Variants in RAD18 observed in about 807,000 individuals in gnomAD.
RAD18 encodes E3 ubiquitin-protein ligase RAD18.
In RAD18, 47 loss-of-function variants were observed where a neutral mutation model predicts 60.4. The ratio of observed to expected loss-of-function variants is 0.78; its 90% CI spans 0.62 to 0.99. The LOEUF (loss-of-function observed/expected upper bound fraction) is 0.99. RAD18 is among the 50% of genes least tolerant of loss of function. The pLI, the probability that RAD18 is intolerant of heterozygous loss-of-function variation, is 0.00. For missense variants in RAD18, 640 were observed against 593.3 expected (o/e 1.08, Z -0.82); for synonymous variants, 225 against 195.5 (o/e 1.15, Z -1.26).
chr3:8,900,065 T>C (rs575830595), intron 10 of RAD18, among the ~76,000 whole-genome samples: 1 of 152,268 alleles, frequency 6.6e-6, no homozygotes, highest in East Asian at 1.9e-4. Context: ...GTTCATACAG[T>C]TAAATTTTTT....
chr3:8,947,112 A>G lies in RAD18; in HGVS notation c.266+108T>C, dbSNP rs45601438. ...TGACTGTTACTTCCCTTCTTTGACT[A>G]TAAAATATGCAACCCTGCATTCCCT... On this transcript the variant is annotated intron_variant, in intron 4 of 12. Transcript: ENST00000264926. 2.0e-3 allele frequency: 1,659 copies of G among 825,832 alleles called. 18 individuals carry two copies. In the African/African-American group the frequency reaches 0.025, roughly 13 times the overall value. 51.2% of individuals were successfully genotyped at this position (825,832 alleles called of 1,614,324 possible).
intron 8 of RAD18, among the ~76,000 whole-genome samples, chr3:8,913,434 G>A (rs1451990291): frequency 1.3e-5 from 2 of 152,128 alleles, no homozygotes; most frequent in Non-Finnish European, 2.9e-5. Flanking sequence ...TCTAGCTCAT[G>A]AACAAACTCT....
At chr3:8,934,452 T>C (rs961738697) in intron 7 of RAD18, among the ~76,000 whole-genome samples, 3 of 152,184 alleles carry the variant, frequency 2.0e-5, no homozygotes, top group African/African-American at 7.2e-5. Context: ...TAAACAGGTA[T>C]TTCACTACAG....
intron 11 of RAD18, among the ~76,000 whole-genome samples, chr3:8,893,367 T>G (rs1453669508): frequency 6.6e-6 from 1 of 152,200 alleles, no homozygotes; most frequent in African/African-American, 2.4e-5. Context: ...TGAACGTGGT[T>G]GAGTATATCC....
intron 7 of RAD18, among the ~76,000 whole-genome samples, chr3:8,934,993 T>C (rs1460385624): frequency 6.6e-6 from 1 of 152,098 alleles, no homozygotes; most frequent in East Asian, 1.9e-4. Flanking sequence ...TATTTAAAGA[T>C]CAAACATAGG....
intron 5 of RAD18, 72 bp from the exon 6 acceptor site, chr3:8,939,725 T>A: frequency 7.9e-7 from 1 of 1,267,578 alleles, no homozygotes; most frequent in Non-Finnish European, 1.1e-6. Flanking sequence ...AACTGGCATC[T>A]TTTCAGCAAG....
At chr3:8,956,377 T>C (rs1392304037) in intron 2 of RAD18, among the ~76,000 whole-genome samples, 2 of 152,204 alleles carry the variant, frequency 1.3e-5, no homozygotes, top group Non-Finnish European at 2.9e-5. Context: ...TAACGGTAGA[T>C]AGCATATGTA....
chr3:8,950,174 G>T (rs548545995), intron 2 of RAD18, among the ~76,000 whole-genome samples: 12 of 152,176 alleles, frequency 7.9e-5, no homozygotes, highest in African/African-American at 2.9e-4. Flanking sequence ...GGGATTACAG[G>T]TGTGCGCCAC....
At chr3:8,930,551 T>C (rs1378289380) in intron 7 of RAD18, among the ~76,000 whole-genome samples, 3 of 152,178 alleles carry the variant, frequency 2.0e-5, no homozygotes, top group Admixed American at 6.5e-5. Flanking sequence ...ATGAATTATA[T>C]CTCAGTATTA....
chr3:8,939,725 T>C, intron 5 of RAD18, 72 bp from the exon 6 acceptor site: 1 of 1,267,578 alleles, frequency 7.9e-7, no homozygotes, highest in Non-Finnish European at 1.1e-6. Context: ...AACTGGCATC[T>C]TTTCAGCAAG....
At chr3:8,946,233 T>A (rs971401090) in intron 4 of RAD18, among the ~76,000 whole-genome samples, 1 of 152,264 alleles carries the variant, frequency 6.6e-6, no homozygotes. Flanking sequence ...ATAGGTACCA[T>A]TGTGTTGCAA....
chr3:8,877,781 G>A lies in RAD18; in HGVS notation c.*3576C>T, dbSNP rs1939388537. 1 of 151,674 alleles carries A rather than the reference G, an allele frequency of 6.6e-6. No homozygotes were observed. Among genetic ancestry groups the A allele is most frequent in the Non-Finnish European group, 1.5e-5 (1 of 67,996 alleles). 9.4% of individuals were successfully genotyped at this position (151,674 alleles called of 1,614,324 possible). A position where few individuals can be genotyped will look rare whatever the true frequency, so the allele number is the denominator to read the frequency against. ...TAGTCCTAATAGTTGAAGGAAGGAA[G>A]GACAGGAAGAGTGGAAAGGAAAGAA... On this transcript the variant is annotated 3_prime_UTR_variant, in exon 13 of 13. Transcript: ENST00000264926.
chr3:8,911,326 A>G (rs192883237), intron 9 of RAD18, among the ~76,000 whole-genome samples: 104 of 152,330 alleles, frequency 6.8e-4, no homozygotes, highest in Admixed American at 6.5e-5. Flanking sequence ...CTTTCTCCCA[A>G]TGCAAGTTTT....
At chr3:8,884,169 G>A (rs1939519045) in intron 12 of RAD18, among the ~76,000 whole-genome samples, 1 of 152,158 alleles carries the variant, frequency 6.6e-6, no homozygotes, top group African/African-American at 2.4e-5. Flanking sequence ...GGCTCCCAAG[G>A]CCATAGAGGA....
Position 8,898,973 on chromosome 3 carries a change from G to C in RAD18, c.1243C>G (p.Pro415Ala). 1 of 1,610,206 alleles carries C rather than the reference G, an allele frequency of 6.2e-7. No individual in the cohort carries two copies. The highest frequency in any genetic ancestry group is 8.5e-7 in the Non-Finnish European group (1 of 1,177,314). The change falls in exon 11 of 13, where the codon CCT becomes GCT. Residue 415 changes from proline (P) to alanine (A), a missense_variant. By Grantham distance (27) the Pro-to-Ala change is conservative. Transcript: ENST00000264926. ...CTAGAAGAATCCTCTTCTCTGTCAG[G>C]TTCCAATTCCTCTGGGGAGTCCAGC... ...SKLDSPEELE[P>A]DREEDSSSCI... is the part of the protein sequence containing the mutation.
rs45621537 is a variant in RAD18 at position 8,944,863 on chromosome 3, C to T, written c.266+2357G>A. ...CTGCAATGCTTGTTCTGATCAGAAA[C>T]ATGTAAACAGCAGTCTAGAACCATT... On this transcript the variant is annotated intron_variant, in intron 4 of 12. Transcript: ENST00000264926. 7.4e-3 allele frequency among the ~76,000 whole-genome samples: 1,120 copies of T among 152,250 alleles called. 17 individuals carry two copies. The highest frequency in any genetic ancestry group is 0.025 in the African/African-American group (1,055 of 41,550).
chr3:8,963,214 C>T, intron 1 of RAD18, 121 bp downstream of exon 1: 2 of 1,149,596 alleles, frequency 1.7e-6, no homozygotes, highest in East Asian at 2.9e-5. Context: ...GAGCCGGATA[C>T]CCGGGCCCAG....
chr3:8,934,747 G>A (rs1028904621), intron 7 of RAD18, among the ~76,000 whole-genome samples: 4 of 152,146 alleles, frequency 2.6e-5, no homozygotes, highest in African/African-American at 9.7e-5. Context: ...ATGCACCTAT[G>A]TGCACCACAA....
chr3:8,902,553 G>A, intron 9 of RAD18, 33 bp from the exon 10 acceptor site: 2 of 1,566,574 alleles, frequency 1.3e-6, no homozygotes, highest in South Asian at 2.4e-5. Flanking sequence ...AGTAAAGCTA[G>A]GACTATGAAA....
Sources: allele counts gnomAD v4.1 joint callset (sites outside exome capture counted in the v4.1 genomes callset), GRCh38; gene constraint gnomAD v4.1.1; transcripts MANE v1.5; gene names NCBI Gene and HGNC (gene_info 2026-07-23, HGNC 2026-07-21).